CSMD1: variants seen among roughly 807,000 people sequenced by gnomAD.
The protein encoded by CSMD1 is CUB and sushi domain-containing protein 1.
In CSMD1, 213 loss-of-function variants were observed where a neutral mutation model predicts 417.5. The ratio of observed to expected loss-of-function variants is 0.51; its 90% CI spans 0.46 to 0.57. The LOEUF is 0.57. Among genes scored for constraint, CSMD1 ranks in the 20% least tolerant of loss-of-function variants. The probability of loss-of-function intolerance (pLI) is 0.00; values close to 1 mark genes in which losing one functional copy is unlikely to be tolerated. For synonymous variants in CSMD1, 2,862 were observed against 1,736.8 expected (o/e 1.65, Z -16.11); for missense variants, 6,923 against 4,529.7 (o/e 1.53, Z -15.17).
chr8:4,160,478 A>C (rs574581132), intron 3 of CSMD1, among the ~76,000 whole-genome samples: 9 of 152,382 alleles, frequency 5.9e-5, no homozygotes, highest in African/African-American at 2.2e-4. Flanking sequence ...ATGTGTCTTC[A>C]TGAGGTCCGA....
rs1797375295 is a variant in CSMD1, at chr8:4,032,045, T to C, written c.470A>G (p.His157Arg). 1.2e-6 allele frequency: 2 copies of C among 1,613,966 alleles called. No homozygotes were observed. The highest frequency in any genetic ancestry group is 8.5e-7 in the Non-Finnish European group (1 of 1,179,858). The change falls in exon 4 of 70, where the codon CAT (histidine) becomes CGT (arginine). Residue 157 changes from histidine (H) to arginine (R), a missense_variant. Coordinates refer to ENST00000635120, the MANE Select transcript of CSMD1 (RefSeq NM_033225.6). ...GTCTCCTATGTTGAATCTCGTTCCATGCAGAACTCCTTTCAGGATTTCTCC... is the reference window on the plus strand; with the variant it reads ...GTCTCCTATGTTGAATCTCGTTCCACGCAGAACTCCTTTCAGGATTTCTCC... ...NPGEILKGVL[H>R]GTRFNIGDKI...
intron 1 of CSMD1, among the ~76,000 whole-genome samples, chr8:4,813,241 C>T (rs903742255): frequency 1.3e-5 from 2 of 152,044 alleles, no homozygotes; most frequent in African/African-American, 4.8e-5. Context: ...TTAGAAAAAT[C>T]AAACATGAAA....
intron 5 of CSMD1, among the ~76,000 whole-genome samples, chr8:3,951,804 A>G (rs1811618533): frequency 6.6e-6 from 1 of 152,174 alleles, no homozygotes; most frequent in African/African-American, 2.4e-5. Context: ...TGAGCTGGCA[A>G]AGAAGTGAAA....
At chr8:3,180,518 T>G (rs957981552) in intron 37 of CSMD1, among the ~76,000 whole-genome samples, 1 of 152,232 alleles carries the variant, frequency 6.6e-6, no homozygotes, top group Non-Finnish European at 1.5e-5. Context: ...TACAAGTGGT[T>G]CATTTTTGTG....
chr8:3,162,110 C>A, intron 38 of CSMD1, 49 bp downstream of exon 38: 1 of 1,234,704 alleles, frequency 8.1e-7, no homozygotes, highest in Non-Finnish European at 1.2e-6. Flanking sequence ...GAGAGCTGCA[C>A]AAAGATGACC....
At position 4,257,531 on chromosome 8, in the gene CSMD1, T is replaced by A. The variant is rs538211441; in HGVS notation, c.415+162422A>T. Among the ~76,000 whole-genome samples the A allele has an allele frequency of 1.1e-3, 165 of 152,320 alleles. No individual in the cohort carries two copies. The Middle Eastern group carries it at 0.027, about 25-fold the overall frequency. Reference sequence around the variant, plus strand: ...AGCCCTTTTTCAATACAGTTTTGAATAAAGTCCTTTCAATTACATTTTTAA... The same window carrying A: ...AGCCCTTTTTCAATACAGTTTTGAAAAAAGTCCTTTCAATTACATTTTTAA... On this transcript the variant is annotated intron_variant, in intron 3 of 69. Coordinates refer to ENST00000635120, the MANE Select transcript of CSMD1 (RefSeq NM_033225.6).
At chr8:3,544,483 T>C (rs1346613754) in intron 10 of CSMD1, among the ~76,000 whole-genome samples, 1 of 152,148 alleles carries the variant, frequency 6.6e-6, no homozygotes, top group African/African-American at 2.4e-5. Flanking sequence ...TAGCTTGCTC[T>C]TTCCCAGTTG....
intron 12 of CSMD1, among the ~76,000 whole-genome samples, chr8:3,449,970 T>C (rs1815581060): frequency 6.6e-6 from 1 of 152,156 alleles, no homozygotes; most frequent in Non-Finnish European, 1.5e-5. Context: ...AATCAAGCGT[T>C]TTAAAGTGGA....
chr8:4,342,980 T>A (rs564549562), intron 3 of CSMD1, among the ~76,000 whole-genome samples: 2 of 152,072 alleles, frequency 1.3e-5, no homozygotes, highest in Non-Finnish European at 2.9e-5. Context: ...AGGTAGAGAA[T>A]TCCAAGCTGT....
intron 2 of CSMD1, among the ~76,000 whole-genome samples, chr8:4,616,170 A>G (rs1013778001): frequency 6.6e-6 from 1 of 152,226 alleles, no homozygotes; most frequent in Non-Finnish European, 1.5e-5. Flanking sequence ...TCCCATAGCT[A>G]AAACTTCAAA....
rs773242265 is a variant in CSMD1, at chr8:3,118,545, T to C, written c.6284A>G (p.Asn2095Ser). The C allele has an allele frequency of 1.4e-5, 22 of 1,613,914 alleles. No homozygotes were observed. Among genetic ancestry groups the C allele is most frequent in the Non-Finnish European group, 1.9e-5 (22 of 1,179,868 alleles). The change falls in exon 42 of 70, where the codon AAT becomes AGT. Residue 2095 changes from asparagine (N) to serine (S), a missense_variant. Asn to Ser is a conservative substitution (Grantham distance 46). Coordinates refer to ENST00000635120, the MANE Select transcript of CSMD1 (RefSeq NM_033225.6). ...GTAATCCGAGTTGATCATGTACCCA[T>C]TCTGAAATGGGGGTGGATCTGGACA... ...QNCPDPPPFQ[N>S]GYMINSDYSV...
chr8:3,598,952 G>A (rs1395156716), intron 8 of CSMD1, among the ~76,000 whole-genome samples: 1 of 152,098 alleles, frequency 6.6e-6, no homozygotes. Context: ...ATGGTGGAGT[G>A]CACCTGTAAT....
intron 2 of CSMD1, among the ~76,000 whole-genome samples, chr8:4,582,588 G>A (rs1799473085): frequency 6.6e-6 from 1 of 152,200 alleles, no homozygotes; most frequent in African/African-American, 2.4e-5. Context: ...ACAGCTGAAG[G>A]TCACTGAAGG....
At chr8:4,530,127 A>T (rs1029075676) in intron 2 of CSMD1, among the ~76,000 whole-genome samples, 2 of 151,262 alleles carry the variant, frequency 1.3e-5, no homozygotes, top group African/African-American at 2.4e-5. Context: ...GTTAGCCAGG[A>T]TGGTCTCGAT....
intron 1 of CSMD1, among the ~76,000 whole-genome samples, chr8:4,971,785 C>A (rs967496448): frequency 6.6e-6 from 1 of 151,594 alleles, no homozygotes; most frequent in African/African-American, 2.4e-5. Flanking sequence ...TAATACAATT[C>A]TCATTATTAT....
At chr8:4,396,929 G>C (rs77781766) in intron 3 of CSMD1, among the ~76,000 whole-genome samples, 2 of 151,934 alleles carry the variant, frequency 1.3e-5, no homozygotes, top group South Asian at 2.1e-4. Context: ...TTGGGTACAA[G>C]GTACACTGCC....
chr8:4,330,929 C>T (rs527716645), intron 3 of CSMD1, among the ~76,000 whole-genome samples: 18 of 152,140 alleles, frequency 1.2e-4, no homozygotes, highest in Non-Finnish European at 1.8e-4. Context: ...ATTGGATTCA[C>T]TTTTCCCCAT....
rs1802980764 is a variant in CSMD1, at chr8:3,284,365, T to C, written c.3951-19A>G. The C allele has an allele frequency of 1.9e-6, 3 of 1,591,170 alleles. No homozygotes were observed. The highest frequency in any genetic ancestry group is 2.6e-6 in the Non-Finnish European group (3 of 1,160,764). On this transcript the variant is annotated intron_variant, in intron 25 of 69. Coordinates refer to ENST00000635120, the MANE Select transcript of CSMD1 (RefSeq NM_033225.6). ...ATGGAGGCTGCAAGAGAGAACACAG[T>C]AGCGCTACTTGCCGTGCATCGAGCA...
intron 46 of CSMD1, among the ~76,000 whole-genome samples, chr8:3,099,026 C>T (rs1356399724): frequency 6.6e-6 from 1 of 151,806 alleles, no homozygotes; most frequent in Non-Finnish European, 1.5e-5. Flanking sequence ...TGCCGACACT[C>T]CCCCCAAACC....
Sources: allele counts gnomAD v4.1 joint callset (sites outside exome capture counted in the v4.1 genomes callset), GRCh38; gene constraint gnomAD v4.1.1; transcripts MANE v1.5; gene names NCBI Gene and HGNC (gene_info 2026-07-23, HGNC 2026-07-21).